Variants in SORCS2 observed in about 807,000 individuals in gnomAD.
SORCS2 encodes the protein sortilin related VPS10 domain containing receptor 2.
A neutral mutation model predicts 141.6 loss-of-function variants in SORCS2; 100 were observed. That is an observed-to-expected ratio of 0.71 (90% CI 0.60 to 0.83). SORCS2 has a LOEUF of 0.83. SORCS2 is among the 40% of genes least tolerant of loss of function. The pLI, the probability that SORCS2 is intolerant of heterozygous loss-of-function variation, is 0.00. For synonymous variants in SORCS2, 789 were observed against 676.9 expected, an observed-to-expected ratio of 1.17 and a Z score of -2.57; for missense variants, 1,646 against 1,560.2, an observed-to-expected ratio of 1.05 and a Z score of -0.93.
chr4:7,724,841 G>T (rs1233034864), intron 19 of SORCS2, among the ~76,000 whole-genome samples: 1 of 132,844 alleles, frequency 7.5e-6, no homozygotes. Context: ...GATGGTGGAG[G>T]TGATGGTGGT....
intron 26 of SORCS2, 68 bp from the exon 27 acceptor site, chr4:7,740,132 G>A: frequency 2.1e-6 from 3 of 1,402,820 alleles, no homozygotes; most frequent in Non-Finnish European, 3.0e-6. Flanking sequence ...CCACGACCGT[G>A]TCCCCTGTGG....
rs113611016 is a variant in SORCS2, at chr4:7,425,720, G to A, written c.548+29365G>A. ...AGGTGGGTTTGGTTTGGCCCGGCCC[G>A]CAGTGGACCGAGCTGTCAGCATTTA... On this transcript the variant is annotated intron_variant, in intron 2 of 26. Transcript: ENST00000507866. 9.1e-3 allele frequency among the ~76,000 whole-genome samples: 1,386 copies of A among 152,312 alleles called. 17 individuals carry two copies. Among genetic ancestry groups the A allele is most frequent in the African/African-American group, 0.031 (1,298 of 41,568 alleles).
At chr4:7,593,126 C>A (rs1717027445) in intron 3 of SORCS2, among the ~76,000 whole-genome samples, 1 of 152,072 alleles carries the variant, frequency 6.6e-6, no homozygotes, top group African/African-American at 2.4e-5. Flanking sequence ...ATGATCGCAC[C>A]CCTGCACTCC....
chr4:7,609,900 G>A (rs1718298590), intron 3 of SORCS2, among the ~76,000 whole-genome samples: 1 of 152,220 alleles, frequency 6.6e-6, no homozygotes, highest in Admixed American at 6.5e-5. Context: ...CCTGCACTTT[G>A]CATTTTATTT....
At chr4:7,315,474 C>G (rs1025508185) in intron 1 of SORCS2, among the ~76,000 whole-genome samples, 1 of 152,204 alleles carries the variant, frequency 6.6e-6, no homozygotes, top group Admixed American at 6.5e-5. Flanking sequence ...CTGGGGCAGG[C>G]CAGGGCTGGT....
intron 3 of SORCS2, among the ~76,000 whole-genome samples, chr4:7,587,404 C>A (rs1716607463): frequency 6.6e-6 from 1 of 152,208 alleles, no homozygotes; most frequent in Non-Finnish European, 1.5e-5. Context: ...CCCTCACACA[C>A]CTGCCACCCC....
chr4:7,382,807 G>A lies in SORCS2; in HGVS notation c.481-13481G>A, dbSNP rs540372309. ...AGAAGAAGGGGCCAGAACTGGGGAC[G>A]GTGGGTGTAAACAGCTGCGGGGCCC... On this transcript the variant is annotated intron_variant, in intron 1 of 26. Coordinates refer to ENST00000507866, the MANE Select transcript of SORCS2 (RefSeq NM_020777.3). Among the ~76,000 whole-genome samples the A allele has an allele frequency of 3.3e-5, 5 of 152,250 alleles. No individual in the cohort carries two copies. The South Asian group carries it at 6.2e-4, about 19-fold the overall frequency.
At chr4:7,348,359 G>A (rs1720755087) in intron 1 of SORCS2, among the ~76,000 whole-genome samples, 1 of 152,202 alleles carries the variant, frequency 6.6e-6, no homozygotes, top group Non-Finnish European at 1.5e-5. Context: ...GATTTCTTGA[G>A]GGCTTATGCT....
At chr4:7,641,004 AG>A (rs1265362595) in intron 4 of SORCS2, among the ~76,000 whole-genome samples, 1 of 152,166 alleles carries the variant, frequency 6.6e-6, no homozygotes, top group Non-Finnish European at 1.5e-5. Flanking sequence ...GTCAGCTCCC[AG>A]GGTCAGAGAA....
chr4:7,727,924 GAA>G (rs1159375870), intron 21 of SORCS2, among the ~76,000 whole-genome samples: 1 of 152,216 alleles, frequency 6.6e-6, no homozygotes, highest in Non-Finnish European at 1.5e-5. Flanking sequence ...CCAGCAAGTT[GAA>G]GTCCATGGAT....
chr4:7,291,062 A>G (rs3846423), intron 1 of SORCS2, among the ~76,000 whole-genome samples: 60,872 of 152,020 alleles, frequency 0.4, 13,485 homozygotes, highest in South Asian at 0.52. Context: ...GAGATGGCTA[A>G]GTGGAGCACA....
chr4:7,716,266 G>T (rs1039178655), intron 17 of SORCS2, among the ~76,000 whole-genome samples: 4 of 152,160 alleles, frequency 2.6e-5, no homozygotes, highest in African/African-American at 7.2e-5. Flanking sequence ...GAAACAGGAG[G>T]CAGGACCAGA....
intron 5 of SORCS2, among the ~76,000 whole-genome samples, chr4:7,660,644 G>C (rs1421568048): frequency 6.6e-6 from 1 of 152,192 alleles, no homozygotes; most frequent in Non-Finnish European, 1.5e-5. Flanking sequence ...AGGAGCCTGA[G>C]ACTGCCCTGG....
intron 2 of SORCS2, among the ~76,000 whole-genome samples, chr4:7,427,854 C>T (rs981251486): frequency 6.6e-6 from 1 of 151,866 alleles, no homozygotes; most frequent in African/African-American, 2.4e-5. Context: ...CCCCCCCGCC[C>T]CCCCGCACCA....
intron 1 of SORCS2, among the ~76,000 whole-genome samples, chr4:7,274,830 G>A (rs1715379362): frequency 6.6e-6 from 1 of 152,192 alleles, no homozygotes; most frequent in Non-Finnish European, 1.5e-5. Context: ...AGGGGTGTCA[G>A]GCTGACTTGA....
intron 2 of SORCS2, among the ~76,000 whole-genome samples, chr4:7,401,060 T>G (rs985373696): frequency 6.6e-6 from 1 of 151,772 alleles, no homozygotes; most frequent in Non-Finnish European, 1.5e-5. Flanking sequence ...GATGAATGGA[T>G]TGATGGATGG....
At chr4:7,714,844 T>A (rs561226266) in intron 16 of SORCS2, among the ~76,000 whole-genome samples, 7 of 152,260 alleles carry the variant, frequency 4.6e-5, no homozygotes, top group Non-Finnish European at 1.0e-4. Flanking sequence ...CATTGCAGCC[T>A]CCTCCACCTG....
intron 2 of SORCS2, among the ~76,000 whole-genome samples, chr4:7,495,322 G>T (rs1468567772): frequency 6.6e-6 from 1 of 152,250 alleles, no homozygotes; most frequent in Non-Finnish European, 1.5e-5. Context: ...GCCAGGCTGG[G>T]TTCAATGCGC....
chr4:7,689,686 C>T (rs985951703), intron 11 of SORCS2, 98 bp downstream of exon 11: 1 of 1,152,952 alleles, frequency 8.7e-7, no homozygotes, highest in Non-Finnish European at 1.2e-6. Flanking sequence ...AGCCTGAGGC[C>T]ATAGTATGTC....
Sources: gnomAD v4.1 joint callset for allele counts (sites outside exome capture counted in the v4.1 genomes callset) on GRCh38, gnomAD v4.1.1 for gene constraint, MANE v1.5 for transcripts, NCBI Gene and HGNC (gene_info 2026-07-23, HGNC 2026-07-21) for gene names.